Variants in ANTXR2 observed in about 807,000 individuals in gnomAD.
The protein encoded by ANTXR2 is ANTXR cell adhesion molecule 2.
In ANTXR2, 44 loss-of-function variants were observed where a neutral mutation model predicts 73.7. The ratio of observed to expected loss-of-function variants is 0.60; its 90% CI spans 0.47 to 0.77. The LOEUF is 0.77. Ranked by LOEUF, ANTXR2 falls within the 30% of genes least tolerant of loss-of-function variation. The probability of loss-of-function intolerance (pLI) is 0.00; values close to 1 mark genes in which losing one functional copy is unlikely to be tolerated. For synonymous variants in ANTXR2, 217 were observed against 205.9 expected (o/e 1.05, Z -0.46); for missense variants, 604 against 592.5 (o/e 1.02, Z -0.20).
chr4:80,018,522 C>T (rs1037203305), intron 11 of ANTXR2, among the ~76,000 whole-genome samples: 1 of 152,030 alleles, frequency 6.6e-6, no homozygotes, highest in African/African-American at 2.4e-5. Flanking sequence ...GATTTCAAAC[C>T]ATGATAAATG....
At chr4:80,023,092 A>G (rs1245772763) in intron 10 of ANTXR2, among the ~76,000 whole-genome samples, 1 of 152,226 alleles carries the variant, frequency 6.6e-6, no homozygotes, top group Non-Finnish European at 1.5e-5. Flanking sequence ...GAAGAAATGT[A>G]TATAGAAGCA....
chr4:79,913,510 A>G (rs974395900), intron 16 of ANTXR2, among the ~76,000 whole-genome samples: 1 of 152,198 alleles, frequency 6.6e-6, no homozygotes, highest in Non-Finnish European at 1.5e-5. Flanking sequence ...TGAAATAAAT[A>G]TAAGAGAGGC....
chr4:80,021,794 T>C (rs1482086960), intron 10 of ANTXR2, among the ~76,000 whole-genome samples: 1 of 152,096 alleles, frequency 6.6e-6, no homozygotes, highest in Non-Finnish European at 1.5e-5. Flanking sequence ...GAGTTAATTC[T>C]CCGCAGATAT....
intron 16 of ANTXR2, among the ~76,000 whole-genome samples, chr4:79,928,635 A>T (rs1453530796): frequency 6.6e-6 from 1 of 152,168 alleles, no homozygotes; most frequent in Admixed American, 6.5e-5. Context: ...TACAAATTTT[A>T]AAAAATCTAT....
intron 16 of ANTXR2, among the ~76,000 whole-genome samples, chr4:79,909,533 T>C (rs1238487310): frequency 1.7e-5 from 2 of 120,020 alleles, no homozygotes; most frequent in East Asian, 2.1e-4. Flanking sequence ...ATATGGAAAC[T>C]TGAAGGAAGA....
chr4:79,916,818 C>T (rs1175059793), intron 16 of ANTXR2, among the ~76,000 whole-genome samples: 1 of 151,974 alleles, frequency 6.6e-6, no homozygotes, highest in Non-Finnish European at 1.5e-5. Flanking sequence ...ATAGTATACA[C>T]ACTATAGCAT....
At chr4:80,072,051 T>A (rs1045744455) in intron 1 of ANTXR2, among the ~76,000 whole-genome samples, 1 of 152,136 alleles carries the variant, frequency 6.6e-6, no homozygotes, top group Non-Finnish European at 1.5e-5. Context: ...CCAGGCAAAC[T>A]TTAGCCTGCG....
chr4:80,012,596 A>G (rs934240370), intron 11 of ANTXR2, among the ~76,000 whole-genome samples: 1 of 152,158 alleles, frequency 6.6e-6, no homozygotes, highest in African/African-American at 2.4e-5. Flanking sequence ...ATATAAATCA[A>G]TGTAGAATCT....
At chr4:80,019,987 G>A (rs75865228) in intron 10 of ANTXR2, among the ~76,000 whole-genome samples, 14,332 of 151,956 alleles carry the variant, frequency 0.094, 767 homozygotes, top group Middle Eastern at 0.23. Context: ...TATCAAAAGG[G>A]AAAAAAATGA....
chr4:79,977,521 T>A, intron 16 of ANTXR2, 100 bp downstream of exon 16: 3 of 1,509,682 alleles, frequency 2.0e-6, no homozygotes, highest in Non-Finnish European at 2.6e-6. Flanking sequence ...CTTCCTCAAG[T>A]GCAATAGGGC....
At chr4:79,965,538 C>T (rs575244943) in intron 16 of ANTXR2, among the ~76,000 whole-genome samples, 1 of 152,286 alleles carries the variant, frequency 6.6e-6, no homozygotes, top group South Asian at 2.1e-4. Context: ...TAAGCACACA[C>T]ATGGAACTTG....
intron 12 of ANTXR2, among the ~76,000 whole-genome samples, chr4:80,003,953 A>C (rs1273203593): frequency 3.9e-5 from 6 of 152,244 alleles, no homozygotes; most frequent in African/African-American, 1.4e-4. Flanking sequence ...AAAAACCTGT[A>C]CATAAATGTT....
chr4:79,985,070 C>T (rs1013506699), intron 12 of ANTXR2, among the ~76,000 whole-genome samples: 1 of 151,960 alleles, frequency 6.6e-6, no homozygotes, highest in African/African-American at 2.4e-5. Context: ...TGAAGTGGGC[C>T]AGGTGCGGTC....
intron 12 of ANTXR2, among the ~76,000 whole-genome samples, chr4:80,004,186 T>C (rs540322136): frequency 2.6e-4 from 39 of 151,702 alleles, no homozygotes; most frequent in Non-Finnish European, 5.3e-4. Flanking sequence ...TGATTCCATT[T>C]ATATAACATT....
intron 6 of ANTXR2, 78 bp downstream of exon 6, chr4:80,055,072 A>C (rs993167890): frequency 1.3e-5 from 17 of 1,289,602 alleles, no homozygotes; most frequent in Non-Finnish European, 1.7e-5. Flanking sequence ...CAATGTCATC[A>C]GTGAAAAGAA....
chr4:79,984,668 A>G, intron 13 of ANTXR2, 151 bp downstream of exon 13: 1 of 746,036 alleles, frequency 1.3e-6, no homozygotes, highest in South Asian at 1.6e-5. Context: ...AAATCATAAG[A>G]GGATGAAAAA....
chr4:79,935,985 T>C (rs942701891), intron 16 of ANTXR2, among the ~76,000 whole-genome samples: 10 of 152,192 alleles, frequency 6.6e-5, no homozygotes, highest in African/African-American at 2.4e-4. Context: ...AAACAATAAA[T>C]GCCTGTTCCA....
chr4:79,923,779 CCT>C (rs1326827279), intron 16 of ANTXR2, among the ~76,000 whole-genome samples: 1 of 151,916 alleles, frequency 6.6e-6, no homozygotes, highest in African/African-American at 2.4e-5. Context: ...TCTGTTATTC[CCT>C]GTCAAATAAA....
chr4:80,060,987 G>A (rs1466142402), intron 3 of ANTXR2, among the ~76,000 whole-genome samples: 2 of 152,150 alleles, frequency 1.3e-5, no homozygotes, highest in Admixed American at 6.5e-5. Context: ...CGGTGCCAGC[G>A]CTGATACTGG....
Sources: gnomAD v4.1 joint callset for allele counts (sites outside exome capture counted in the v4.1 genomes callset) on GRCh38, gnomAD v4.1.1 for gene constraint, MANE v1.5 for transcripts, NCBI Gene and HGNC (gene_info 2026-07-23, HGNC 2026-07-21) for gene names.